Variants in AHNAK observed in about 807,000 individuals in gnomAD.
The protein encoded by AHNAK is neuroblast differentiation-associated protein AHNAK.
AHNAK carries 23 observed loss-of-function variants against 37.8 expected under a neutral mutation model. The observed-to-expected ratio is 0.61, with a 90% CI of 0.44 to 0.86. AHNAK has a LOEUF of 0.86. Among genes scored for constraint, AHNAK ranks in the 40% least tolerant of loss-of-function variants. AHNAK has a pLI of 0.00. For missense variants in AHNAK, 7,411 were observed against 7,319.4 expected (o/e 1.01, Z -0.46); for synonymous variants, 2,481 against 2,636.3 (o/e 0.94, Z 1.80).
chr11:62,527,243 C>T lies in AHNAK; in HGVS notation c.7174G>A (p.Asp2392Asn), dbSNP rs1940526875. The T allele has an allele frequency of 3.1e-6, 5 of 1,607,014 alleles. No homozygotes were observed. The highest frequency in any genetic ancestry group is 1.7e-5 in the Admixed American group (1 of 59,196). ...KAPKISMPDL[D>N]LHLKSPKAKG... ...GCCTTGGGGCTCTTCAAGTGTAGAT[C>T]GAGGTCTGGCATAGAGATTTTGGGA... The change falls in exon 5 of 5, where the codon GAT becomes AAT. Residue 2392 changes from aspartate to asparagine, a missense_variant. Physicochemically the swap from Asp to Asn is conservative, Grantham distance 23. Transcript: ENST00000378024.
downstream of AHNAK, among the ~76,000 whole-genome samples, chr11:62,514,634 G>A (rs1031934414): frequency 6.6e-6 from 1 of 152,196 alleles, no homozygotes; most frequent in Non-Finnish European, 1.5e-5. Context: ...ATACCTGGAC[G>A]AACTCTGGCC....
At chr11:62,466,017 T>C (rs7946262) in intron 5 of AHNAK, among the ~76,000 whole-genome samples, 12,834 of 152,040 alleles carry the variant, frequency 0.084, 754 homozygotes, top group African/African-American at 0.16. Context: ...AATACAACCC[T>C]CAATTTATAT....
rs79328707 is a variant in AHNAK, at chr11:62,444,050, C to T, written c.443-10159G>A. 3.4e-3 allele frequency among the ~76,000 whole-genome samples: 516 copies of T among 152,314 alleles called. 2 individuals are homozygous for T. The highest frequency in any genetic ancestry group is 0.011 in the African/African-American group (442 of 41,570). On this transcript the variant is annotated intron_variant, in intron 5 of 5. Transcript: ENST00000257247. ...CCCCTCCAATGCACGATGGACACTC[C>T]GGGGAGTGTGGTGGCACAGAGCGGC... is the stretch of plus-strand genomic sequence containing the variant.
chr11:62,519,995 C>T lies in AHNAK; in HGVS notation c.14422G>A (p.Asp4808Asn), dbSNP rs545421649. Reference protein sequence around the residue: ...PDVDVSLPKADIDVSGPKVDV... With the variant: ...PDVDVSLPKANIDVSGPKVDV... Reference sequence around the variant, plus strand: ...ACCTTGGGTCCCGAGACATCGATGTCGGCCTTGGGCAGGCTCACATCCACA... The same window carrying T: ...ACCTTGGGTCCCGAGACATCGATGTTGGCCTTGGGCAGGCTCACATCCACA... Residue 4808 changes from aspartate (D) to asparagine (N), a missense_variant, in exon 5 of 5, where the codon GAC becomes AAC. Physicochemically the swap from Asp to Asn is conservative, Grantham distance 23. Coordinates refer to ENST00000378024, the MANE Select transcript of AHNAK (RefSeq NM_001620.3). 9.9e-6 allele frequency: 16 copies of T among 1,613,332 alleles called. No homozygotes were observed. The highest frequency in any genetic ancestry group is 9.9e-5 in the South Asian group (9 of 91,034).
intron 5 of AHNAK, among the ~76,000 whole-genome samples, chr11:62,457,232 G>A (rs1024341328): frequency 6.6e-5 from 10 of 152,090 alleles, no homozygotes; most frequent in African/African-American, 2.2e-4. Context: ...TGGATCATGA[G>A]GTCAGGAGAT....
intron 5 of AHNAK, among the ~76,000 whole-genome samples, chr11:62,453,964 A>G (rs1938595054): frequency 6.6e-6 from 1 of 152,020 alleles, no homozygotes; most frequent in Non-Finnish European, 1.5e-5. Flanking sequence ...AAAATTAGCC[A>G]GGCATGGTGG....
At chr11:62,467,686 A>C (rs1343974280) in intron 5 of AHNAK, among the ~76,000 whole-genome samples, 1 of 152,172 alleles carries the variant, frequency 6.6e-6, no homozygotes, top group Non-Finnish European at 1.5e-5. Flanking sequence ...CTCCGTCTCA[A>C]ACAACAACAA....
chr11:62,493,211 A>G (rs1939536041), intron 4 of AHNAK, among the ~76,000 whole-genome samples: 1 of 150,936 alleles, frequency 6.6e-6, no homozygotes, highest in East Asian at 2.0e-4. Context: ...ACAGGGTTTC[A>G]CCATGTTGGC....
chr11:62,470,630 G>A (rs1939017219), intron 5 of AHNAK, among the ~76,000 whole-genome samples: 1 of 151,916 alleles, frequency 6.6e-6, no homozygotes, highest in African/African-American at 2.4e-5. Context: ...AAAACAAAAA[G>A]CTGAGTTTAA....
At chr11:62,439,253 C>T (rs1283777541) in intron 5 of AHNAK, among the ~76,000 whole-genome samples, 3 of 152,042 alleles carry the variant, frequency 2.0e-5, no homozygotes, top group South Asian at 2.1e-4. Flanking sequence ...CGCCACCACG[C>T]CTAGCTAATT....
At chr11:62,505,803 C>G (rs935832986) in intron 4 of AHNAK, among the ~76,000 whole-genome samples, 59 of 151,258 alleles carry the variant, frequency 3.9e-4, no homozygotes, top group African/African-American at 1.4e-3. Context: ...CTGTCAGCCT[C>G]TGCCCATCCC....
At chr11:62,505,525 T>C (rs1939794712) in intron 4 of AHNAK, among the ~76,000 whole-genome samples, 1 of 152,086 alleles carries the variant, frequency 6.6e-6, no homozygotes, top group African/African-American at 2.4e-5. Context: ...ATTGTAGGTT[T>C]GTTTGGAGTG....
In AHNAK at chr11:62,532,064, T is replaced by A. The variant is rs372223705; in HGVS notation, c.2353A>T (p.Ile785Leu). Residue 785 changes from isoleucine (I) to leucine (L), a missense_variant, in exon 5 of 5, where the codon ATA becomes TTA. Coordinates refer to ENST00000378024, the MANE Select transcript of AHNAK (RefSeq NM_001620.3). ...KADVDISGPK[I>L]DVTAPDVSIE... ...CTCACATCAGGAGCAGTAACATCTA[T>A]CTTGGGCCCGGAAATGTCCACATCA... 4 of 1,607,262 alleles carry A rather than the reference T, an allele frequency of 2.5e-6. No homozygotes were observed. Among genetic ancestry groups the A allele is most frequent in the Non-Finnish European group, 3.4e-6 (4 of 1,177,726 alleles).
chr11:62,466,133 A>G (rs1286570353), intron 5 of AHNAK, among the ~76,000 whole-genome samples: 1 of 152,158 alleles, frequency 6.6e-6, no homozygotes, highest in African/African-American at 2.4e-5. Context: ...CAGCCTGGCC[A>G]ACATGGCGAA....
intron 1 of AHNAK, among the ~76,000 whole-genome samples, chr11:62,543,932 T>G (rs891386921): frequency 3.9e-5 from 6 of 152,158 alleles, no homozygotes; most frequent in African/African-American, 1.4e-4. Context: ...AGAGCCACAC[T>G]GTTCCCATAA....
chr11:62,511,595 C>A (rs980452320), downstream of AHNAK, among the ~76,000 whole-genome samples: 1 of 151,524 alleles, frequency 6.6e-6, no homozygotes, highest in African/African-American at 2.4e-5. Context: ...TAGAGCTTCC[C>A]GAGGTGACCA....
chr11:62,511,400 G>T (rs1328070036), downstream of AHNAK, among the ~76,000 whole-genome samples: 1 of 152,056 alleles, frequency 6.6e-6, no homozygotes, highest in Non-Finnish European at 1.5e-5. Context: ...TTACAGGCAT[G>T]TGCCACCACG....
chr11:62,466,958 C>G (rs1938924312), intron 5 of AHNAK, among the ~76,000 whole-genome samples: 1 of 152,128 alleles, frequency 6.6e-6, no homozygotes, highest in African/African-American at 2.4e-5. Context: ...ATTATGATCC[C>G]TAAGTATCTC....
Position 62,533,695 on chromosome 11 carries a change from T to C in AHNAK, c.722A>G (p.His241Arg), listed in dbSNP as rs144857355. Residue 241 changes from histidine (H) to arginine (R), a missense_variant, in exon 5 of 5, where the codon CAC becomes CGC. By Grantham distance (29) the His-to-Arg change is conservative. Transcript: ENST00000378024. ...AGGCATGGTGACCTGGAGCTTCGAG[T>C]GGCCAGCACCTTGGAGCTCTGGTCC... ...ASGPELQGAG[H>R]SKLQVTMPGI... 244 of 1,614,058 alleles carry C rather than the reference T, an allele frequency of 1.5e-4. 1 individual carries two copies. The highest frequency in any genetic ancestry group is 5.7e-4 in the Admixed American group (34 of 60,002).
Sources: gnomAD v4.1 joint callset for allele counts (sites outside exome capture counted in the v4.1 genomes callset) on GRCh38, gnomAD v4.1.1 for gene constraint, MANE v1.5 for transcripts, NCBI Gene and HGNC (gene_info 2026-07-23, HGNC 2026-07-21) for gene names.